Variants in UGT1A10 observed in about 807,000 individuals in gnomAD.
The protein encoded by UGT1A10 is UDP glucuronosyltransferase family 1 member A10.
UGT1A10 carries 49 observed loss-of-function variants against 45.8 expected under a neutral mutation model. The observed-to-expected ratio is 1.07, with a 90% CI of 0.85 to 1.36. UGT1A10 has a LOEUF of 1.36. Ranked by LOEUF, UGT1A10 falls within the 40% of genes most tolerant of loss-of-function variation. The pLI, the probability that UGT1A10 is intolerant of heterozygous loss-of-function variation, is 0.00. For synonymous variants in UGT1A10, 284 were observed against 249.7 expected (o/e 1.14, Z -1.29); for missense variants, 745 against 668.6 (o/e 1.11, Z -1.26).
intron 1 of UGT1A10, among the ~76,000 whole-genome samples, chr2:233,681,221 G>A (rs1366226638): frequency 6.6e-6 from 1 of 151,946 alleles, no homozygotes; most frequent in Admixed American, 6.6e-5. Context: ...TTTCTGGGCA[G>A]AGGACAAAAT....
Position 233,702,529 on chromosome 2 carries a change from C to T in UGT1A10, c.856-64505C>T, listed in dbSNP as rs1333011305. ...AGAAGTGGAAAGAGGAGATTCTTAT[C>T]TTGTTCCTGATCTTAGGTGGGGAAG... On this transcript the variant is annotated intron_variant, in intron 1 of 4. Coordinates refer to ENST00000344644, the MANE Select transcript of UGT1A10 (RefSeq NM_019075.4). Among the ~76,000 whole-genome samples, 10 of 152,248 alleles carry T rather than the reference C, an allele frequency of 6.6e-5. No individual in the cohort carries two copies. The East Asian group carries it at 9.6e-4, about 15-fold the overall frequency.
rs149047303 is a variant in UGT1A10, at chr2:233,763,705, A to G, written c.856-3329A>G. Among the ~76,000 whole-genome samples, 745 of 152,324 alleles carry G rather than the reference A, an allele frequency of 4.9e-3. 10 individuals carry two copies. Among genetic ancestry groups the G allele is most frequent in the African/African-American group, 0.017 (698 of 41,584 alleles). ...AAGATAAAACTTTTATTGCACAAAG[A>G]AGTCCATAGAGAAAGCACAACCTGG... On this transcript the variant is annotated intron_variant, in intron 1 of 4. Coordinates refer to ENST00000344644, the MANE Select transcript of UGT1A10 (RefSeq NM_019075.4).
chr2:233,663,447 C>T (rs879414501), intron 1 of UGT1A10, among the ~76,000 whole-genome samples: 1 of 151,804 alleles, frequency 6.6e-6, no homozygotes, highest in Admixed American at 6.6e-5. Flanking sequence ...TGGGTGGGGG[C>T]CACAAGAGCA....
intron 1 of UGT1A10, among the ~76,000 whole-genome samples, chr2:233,644,993 G>C (rs548451580): frequency 6.6e-6 from 1 of 152,262 alleles, no homozygotes; most frequent in South Asian, 2.1e-4. Flanking sequence ...CCCTGATTGA[G>C]AAGCTGAATT....
chr2:233,690,121 G>A (rs1008898157), intron 1 of UGT1A10, among the ~76,000 whole-genome samples: 5 of 152,190 alleles, frequency 3.3e-5, no homozygotes, highest in Admixed American at 2.0e-4. Flanking sequence ...ATATGTCTTT[G>A]TAACTTGGTG....
chr2:233,683,403 G>A (rs1575431049), intron 1 of UGT1A10, among the ~76,000 whole-genome samples: 1 of 152,064 alleles, frequency 6.6e-6, no homozygotes, highest in East Asian at 1.9e-4. Flanking sequence ...AGATTTAAGT[G>A]TTTTCCACTT....
intron 1 of UGT1A10, among the ~76,000 whole-genome samples, chr2:233,744,958 A>C (rs996624362): frequency 2.6e-5 from 4 of 151,980 alleles, no homozygotes; most frequent in African/African-American, 4.9e-5. Context: ...ATAACCTACC[A>C]ATATCCTTCT....
intron 1 of UGT1A10, among the ~76,000 whole-genome samples, chr2:233,657,595 G>A (rs965049262): frequency 1.3e-5 from 2 of 152,144 alleles, no homozygotes; most frequent in African/African-American, 4.8e-5. Flanking sequence ...CTCCCACTAA[G>A]CCCCACCTCC....
chr2:233,686,502 C>T (rs144675493), intron 1 of UGT1A10, among the ~76,000 whole-genome samples: 2 of 152,152 alleles, frequency 1.3e-5, no homozygotes, highest in African/African-American at 4.8e-5. Context: ...CAGGTGAGCC[C>T]AGGTGGAGCC....
rs1354491814 is a variant in UGT1A10 at position 233,754,735 on chromosome 2, A to G, written c.856-12299A>G. 4.6e-6 allele frequency: 3 copies of G among 652,332 alleles called. No homozygotes were observed. In the Admixed American group the frequency reaches 7.0e-5, roughly 15 times the overall value. The allele number at this position is 652,332 out of a possible 1,614,324, so 40.4% of individuals were successfully genotyped here. ...AAGCTGCCTGTCCCATCACTACCGT[A>G]GGACATGCAGAAGGAAGAAAGGCCC... On this transcript the variant is annotated intron_variant, in intron 1 of 4. Transcript: ENST00000344644.
intron 1 of UGT1A10, among the ~76,000 whole-genome samples, chr2:233,659,387 G>A (rs2073921745): frequency 1.3e-5 from 2 of 152,096 alleles, no homozygotes; most frequent in Non-Finnish European, 2.9e-5. Flanking sequence ...TATGCTTTAT[G>A]TGTTATATAC....
At chr2:233,705,061 G>T (rs10180090) in intron 1 of UGT1A10, among the ~76,000 whole-genome samples, 1 of 151,502 alleles carries the variant, frequency 6.6e-6, no homozygotes, top group South Asian at 2.1e-4. Context: ...GCTTGAACCC[G>T]GGAGGCGGAG....
intron 1 of UGT1A10, among the ~76,000 whole-genome samples, chr2:233,727,606 A>T (rs554046773): frequency 6.6e-6 from 1 of 152,298 alleles, no homozygotes; most frequent in Admixed American, 6.5e-5. Flanking sequence ...TTGGAGGAAT[A>T]GTTCAGAGGC....
At chr2:233,692,282 T>G (rs1389646454) in intron 1 of UGT1A10, 1 of 152,456 alleles carries the variant, frequency 6.6e-6, no homozygotes, top group Non-Finnish European at 1.5e-5. Flanking sequence ...CCTCTGGCTA[T>G]TCATCCGTAT....
chr2:233,679,939 G>A (rs7579530), intron 1 of UGT1A10, among the ~76,000 whole-genome samples: 97,787 of 151,998 alleles, frequency 0.64, 31,924 homozygotes, highest in African/African-American at 0.72. Context: ...TTCACAAAAA[G>A]ATGCGAGGTT....
chr2:233,640,540 A>G (rs1404666701), intron 1 of UGT1A10, among the ~76,000 whole-genome samples: 1 of 152,184 alleles, frequency 6.6e-6, no homozygotes, highest in Non-Finnish European at 1.5e-5. Context: ...ATGTTGATCT[A>G]TGGAACAGAG....
At chr2:233,672,867 T>C in intron 1 of UGT1A10, 1 of 1,522,004 alleles carries the variant, frequency 6.6e-7, no homozygotes, top group East Asian at 2.3e-5. Flanking sequence ...TGAACTGTGA[T>C]TTGACATTTT....
chr2:233,734,549 C>A (rs1463144375), intron 1 of UGT1A10, among the ~76,000 whole-genome samples: 2 of 152,092 alleles, frequency 1.3e-5, no homozygotes, highest in Non-Finnish European at 2.9e-5. Flanking sequence ...TTCTTCCCTT[C>A]TGCTAGCTTT....
intron 1 of UGT1A10, chr2:233,743,822 G>A (rs764939970): frequency 2.6e-5 from 36 of 1,367,122 alleles, no homozygotes; most frequent in Admixed American, 3.8e-5. Context: ...GTTTTTGTCG[G>A]GGTGCCACTT....
Sources: gnomAD v4.1 joint callset for allele counts (sites outside exome capture counted in the v4.1 genomes callset) on GRCh38, gnomAD v4.1.1 for gene constraint, MANE v1.5 for transcripts, NCBI Gene and HGNC (gene_info 2026-07-23, HGNC 2026-07-21) for gene names.